PSG11: variants seen among roughly 807,000 people sequenced by gnomAD.
PSG11 encodes pregnancy-specific beta-1-glycoprotein 11.
A neutral mutation model predicts 36.0 loss-of-function variants in PSG11; 42 were observed. The observed-to-expected ratio is 1.17, with a 90% CI of 0.91 to 1.51. PSG11 has a LOEUF of 1.51. Ranked by LOEUF, PSG11 falls within the 40% of genes most tolerant of loss-of-function variation. The pLI is 0.00. For synonymous variants in PSG11, 206 were observed against 153.5 expected (o/e 1.34, Z -2.53); for missense variants, 558 against 403.5 (o/e 1.38, Z -3.28).
chr19:43,019,068 A>T lies in PSG11; in HGVS notation c.431-20T>A. 4 of 1,606,402 alleles carry T rather than the reference A, an allele frequency of 2.5e-6. No homozygotes were observed. The highest frequency in any genetic ancestry group is 8.5e-7 in the Non-Finnish European group (1 of 1,175,878). On this transcript the variant is annotated intron_variant, in intron 2 of 5. Transcript: ENST00000320078. Reference sequence around the variant, plus strand: ...TCTCCACTGTGCAGAAAACAGAGAGAAGATTGCCCTGTGTGGCACCTTTGA... The same window carrying T: ...TCTCCACTGTGCAGAAAACAGAGAGTAGATTGCCCTGTGTGGCACCTTTGA...
Position 43,019,036 on chromosome 19 carries a change from T to A in PSG11, c.443A>T (p.Lys148Met). ...TAAGTTGCTGCTGGAGATGGAGGGCTTGGGAGTCTCCACTGTGCAGAAAAC... is the reference window on the plus strand; with the variant it reads ...TAAGTTGCTGCTGGAGATGGAGGGCATGGGAGTCTCCACTGTGCAGAAAAC... ...FTFTLYLETP[K>M]PSISSSNLNP... is the part of the protein sequence containing the mutation. Residue 148 changes from lysine (K) to methionine (M), a missense_variant, in exon 3 of 6, where the codon AAG (lysine) becomes ATG (methionine). Transcript: ENST00000320078. The A allele has an allele frequency of 6.2e-7, 1 of 1,611,736 alleles. No homozygotes were observed. Among genetic ancestry groups the A allele is most frequent in the Non-Finnish European group, 8.5e-7 (1 of 1,178,976 alleles).
rs145349712 is a variant in PSG11, at chr19:43,016,876, C to G, written c.710-1506G>C. On this transcript the variant is annotated intron_variant, in intron 3 of 5. Coordinates refer to ENST00000320078, the MANE Select transcript of PSG11 (RefSeq NM_002785.3). ...TGGACATTTGCAAATGCAGAACTGA[C>G]TGGTGGAAAGGGTGGGAATGAACTG... Among the ~76,000 whole-genome samples the G allele has an allele frequency of 3.2e-4, 49 of 151,604 alleles. 2 individuals carry two copies. Among genetic ancestry groups the G allele is most frequent in the African/African-American group, 1.2e-3 (48 of 41,194 alleles).
intron 1 of PSG11, among the ~76,000 whole-genome samples, chr19:43,026,059 G>A (rs1428764017): frequency 6.9e-6 from 1 of 145,346 alleles, no homozygotes; most frequent in South Asian, 2.2e-4. Context: ...CTCCTGCCTT[G>A]GCCTCCTGAG....
At position 43,018,905 on chromosome 19, in the gene PSG11, T is replaced by G. The variant is rs1251023171; in HGVS notation, c.574A>C (p.Arg192=). The G allele has an allele frequency of 6.2e-7, 1 of 1,612,076 alleles. No individual in the cohort carries two copies. Among genetic ancestry groups the G allele is most frequent in the Non-Finnish European group, 8.5e-7 (1 of 1,179,080 alleles). ...MNGQSLPMTH[R]MQLSETNRTL... ...CTGTTGGTTTCAGACAGCTGCATCC[T>G]ATGAGTCATAGGGAGGCTCTGACCA... is the stretch of plus-strand genomic sequence containing the variant. The change falls in exon 3 of 6, where the codon AGG becomes CGG. Residue 192 remains arginine, a synonymous_variant. Transcript: ENST00000320078.
Position 43,015,783 on chromosome 19 carries a change from G to C in PSG11, c.710-413C>G, listed in dbSNP as rs151080240. 8.1e-4 allele frequency: 1,300 copies of C among 1,610,402 alleles called. 63 individuals are homozygous for C. The African/African-American group carries it at 0.016, about 20-fold the overall frequency. Reference sequence around the variant, plus strand: ...AAAAGATACAGAGGACATTCAGGGTGACTGAGTCACTGCGGATGCCACCAT... The same window carrying C: ...AAAAGATACAGAGGACATTCAGGGTCACTGAGTCACTGCGGATGCCACCAT... On this transcript the variant is annotated intron_variant, in intron 3 of 5. Transcript: ENST00000320078.
At chr19:43,010,942 A>G (rs1036483638) in intron 4 of PSG11, among the ~76,000 whole-genome samples, 1 of 149,466 alleles carries the variant, frequency 6.7e-6, no homozygotes, top group Non-Finnish European at 1.5e-5. Context: ...GTTGAGGGGC[A>G]CTTCCTATGT....
In PSG11 at chr19:43,015,234, T is replaced by A. The variant is rs1966929657; in HGVS notation, c.846A>T (p.Ser282=). 2 of 1,611,526 alleles carry A rather than the reference T, an allele frequency of 1.2e-6. No homozygotes were observed. Among genetic ancestry groups the A allele is most frequent in the South Asian group, 1.1e-5 (1 of 90,842 alleles). ...TCTGAGGGATAAAGAGCTTTTGTCC[T>A]GATAGCTGAAACTTCCCATTAATTG... is the stretch of plus-strand genomic sequence containing the variant. ...SWTINGKFQL[S]GQKLFIPQIT... The change falls in exon 4 of 6, where the codon TCA becomes TCT. Residue 282 remains serine (S), a synonymous_variant. Transcript: ENST00000320078.
chr19:43,022,523 T>C (rs1362848900), intron 2 of PSG11, among the ~76,000 whole-genome samples: 2 of 151,404 alleles, frequency 1.3e-5, no homozygotes, highest in Non-Finnish European at 2.9e-5. Context: ...TCAGTAATAA[T>C]AAACCTCTGT....
intron 2 of PSG11, among the ~76,000 whole-genome samples, chr19:43,020,618 G>A (rs1267179157): frequency 6.6e-6 from 1 of 151,370 alleles, no homozygotes; most frequent in African/African-American, 2.4e-5. Context: ...ATAAGGTTTA[G>A]GTGTGCCATG....
intron 3 of PSG11, chr19:43,018,266 A>G (rs1967014412): frequency 5.3e-6 from 1 of 188,772 alleles, no homozygotes; most frequent in African/African-American, 2.4e-5. Context: ...TCAGCCAAGA[A>G]TGCTCTGCCA....
intron 3 of PSG11, chr19:43,015,834 G>T: frequency 6.2e-7 from 1 of 1,610,116 alleles, no homozygotes; most frequent in South Asian, 1.1e-5. Flanking sequence ...CACATTGATA[G>T]GGTCCTGTTT....
At chr19:43,014,507 G>A (rs1031504390) in intron 4 of PSG11, 6 of 977,966 alleles carry the variant, frequency 6.1e-6, no homozygotes, top group African/African-American at 5.3e-5. Context: ...TGGCCCGGGG[G>A]AGGCTTGGCT....
intron 2 of PSG11, among the ~76,000 whole-genome samples, 172 bp from the exon 3 acceptor site, chr19:43,019,220 T>C (rs1038115693): frequency 5.3e-5 from 8 of 151,264 alleles, no homozygotes; most frequent in Non-Finnish European, 7.4e-5. Flanking sequence ...GGCTAAGAGA[T>C]TGTGAGGCTG....
rs757777771 is a variant in PSG11, at chr19:43,026,277, T to C, written c.64+32A>G. On this transcript the variant is annotated intron_variant, in intron 1 of 5. Transcript: ENST00000320078. Reference sequence around the variant, plus strand: ...CCCATCCAGTCACTCTGCTTCCTCCTCCTGTCCTCTCCCAGGAAGTTCTCT... The same window carrying C: ...CCCATCCAGTCACTCTGCTTCCTCCCCCTGTCCTCTCCCAGGAAGTTCTCT... 6.8e-6 allele frequency: 11 copies of C among 1,608,554 alleles called. 1 individual carries two copies. Among genetic ancestry groups the C allele is most frequent in the South Asian group, 5.5e-5 (5 of 90,814 alleles).
chr19:43,010,431 A>G (rs144386054), intron 4 of PSG11: 1 of 1,494,874 alleles, frequency 6.7e-7, no homozygotes, highest in Non-Finnish European at 9.1e-7. Flanking sequence ...CAGGGACCTG[A>G]TTGACAGAAG....
intron 4 of PSG11, chr19:43,010,245 T>A (rs1229641629): frequency 6.9e-7 from 1 of 1,454,036 alleles, no homozygotes; most frequent in Non-Finnish European, 9.1e-7. Flanking sequence ...TGATCAGTCC[T>A]CTGTCAATTC....
At chr19:43,022,301 T>G (rs925533339) in intron 2 of PSG11, among the ~76,000 whole-genome samples, 1 of 151,438 alleles carries the variant, frequency 6.6e-6, no homozygotes, top group Non-Finnish European at 1.5e-5. Flanking sequence ...TCTTTTGCAT[T>G]CTGGCAACCA....
At chr19:43,025,160 GAC>G (rs71336836) in intron 1 of PSG11, 104 bp from the exon 2 acceptor site, 61,213 of 1,161,036 alleles carry the variant, frequency 0.053, 117 homozygotes, top group Middle Eastern at 0.083. Context: ...CAGCCTTGAA[GAC>G]ACACACACAC....
Position 43,014,801 on chromosome 19 carries a change from G to T in PSG11, c.964+315C>A, listed in dbSNP as rs1352610510. ...GACAGAAGGGGATGAGTTGGTGACA[G>T]TGAGAAGCAACTCGATGTTCAGCAC... On this transcript the variant is annotated intron_variant, in intron 4 of 5. Coordinates refer to ENST00000320078, the MANE Select transcript of PSG11 (RefSeq NM_002785.3). The T allele has an allele frequency of 4.8e-6, 6 of 1,242,232 alleles. No homozygotes were observed. In the African/African-American group the frequency reaches 9.3e-5, roughly 19 times the overall value. 77.0% of individuals were successfully genotyped at this position (1,242,232 alleles called of 1,614,324 possible).
Sources: allele counts gnomAD v4.1 joint callset (sites outside exome capture counted in the v4.1 genomes callset), GRCh38; gene constraint gnomAD v4.1.1; transcripts MANE v1.5; gene names NCBI Gene and HGNC (gene_info 2026-07-23, HGNC 2026-07-21).